The following DNMT3A variants were observed in gnomAD, a reference collection of about 807,000 sequenced individuals.
The protein encoded by DNMT3A is DNA (cytosine-5)-methyltransferase 3A.
DNMT3A carries 267 observed loss-of-function variants against 117.6 expected under a neutral mutation model. The ratio of observed to expected loss-of-function variants is 2.27; its 90% CI spans 2.05 to 2.51. DNMT3A has a LOEUF of 2.51. Ranked by LOEUF, DNMT3A falls within the 30% of genes most tolerant of loss-of-function variation. DNMT3A has a pLI of 0.00. For missense variants in DNMT3A, 1,029 were observed against 1,260.2 expected (o/e 0.82, Z 2.78); for synonymous variants, 432 against 474.8 (o/e 0.91, Z 1.17).
At chr2:25,246,085 G>A in intron 11 of DNMT3A, 21 bp from the exon 12 acceptor site, 1 of 1,614,190 alleles carries the variant, frequency 6.2e-7, no homozygotes, top group African/African-American at 1.3e-5. Flanking sequence ...AGGAGAGCTG[G>A]CGTCAGAGGA....
intron 2 of DNMT3A, among the ~76,000 whole-genome samples, chr2:25,300,605 CTAAATAATATATTATTTAGAT>C: frequency 2.6e-4 from 2 of 7,648 alleles, no homozygotes; most frequent in Non-Finnish European, 8.8e-4. Flanking sequence ...ATATATATAT[CTAAATAATATATTATTTAGAT>C]ATCTAAATAA....
At chr2:25,243,763 C>T (rs1674357631) in intron 16 of DNMT3A, 135 bp downstream of exon 16, 5 of 1,030,292 alleles carry the variant, frequency 4.9e-6, no homozygotes, top group Non-Finnish European at 5.8e-6. Flanking sequence ...ACTTCACACA[C>T]AAGCTTCCCC....
chr2:25,342,014 C>T (rs1302728259), upstream of DNMT3A: 4 of 890,686 alleles, frequency 4.5e-6, no homozygotes, highest in Admixed American at 6.5e-5. The surrounding 1 kb of genome is among the most constrained non-coding windows in gnomAD (Gnocchi z 5.9). Context: ...CCGCCTCCTC[C>T]GCCGGGTCCC....
intron 1 of DNMT3A, among the ~76,000 whole-genome samples, chr2:25,322,107 G>A (rs547673900): frequency 2.6e-5 from 4 of 152,322 alleles, no homozygotes; most frequent in South Asian, 4.1e-4. Context: ...GAAAGCGGTT[G>A]CCTCTGAGAA....
chr2:25,246,834 C>T, intron 9 of DNMT3A, 58 bp from the exon 10 acceptor site: 1 of 1,594,894 alleles, frequency 6.3e-7, no homozygotes, highest in Non-Finnish European at 8.5e-7. Context: ...GCAGATGGGT[C>T]AGGCTCAAGG....
At chr2:25,289,843 T>G (rs2032612635) in intron 3 of DNMT3A, among the ~76,000 whole-genome samples, 1 of 152,198 alleles carries the variant, frequency 6.6e-6, no homozygotes, top group Non-Finnish European at 1.5e-5. Flanking sequence ...TGCCGCCGCC[T>G]CCTCTTCCCC....
intron 3 of DNMT3A, among the ~76,000 whole-genome samples, chr2:25,287,004 G>A (rs1361203824): frequency 6.6e-6 from 1 of 152,250 alleles, no homozygotes; most frequent in African/African-American, 2.4e-5. Flanking sequence ...CCTGACAGGT[G>A]CTCAGACAAT....
chr2:25,301,125 C>T (rs968533545), intron 2 of DNMT3A, among the ~76,000 whole-genome samples: 13 of 151,266 alleles, frequency 8.6e-5, no homozygotes, highest in East Asian at 5.9e-4. Flanking sequence ...AAAAATTAGC[C>T]GGGCATGGTG....
At chr2:25,336,159 C>T (rs954348516) in intron 1 of DNMT3A, among the ~76,000 whole-genome samples, 2 of 152,242 alleles carry the variant, frequency 1.3e-5, no homozygotes, top group Non-Finnish European at 2.9e-5. Flanking sequence ...CTGCCAGGCA[C>T]CTGCACTCAT....
Position 25,240,590 on chromosome 2 carries a change from A to T in DNMT3A, c.2173+50T>A, listed in dbSNP as rs763011814. ...GCAGAAATATCCAAGGAGGAAGCCT[A>T]TGTGCGGAAGCACCAGCTGAGAAGG... is the stretch of plus-strand genomic sequence containing the variant. On this transcript the variant is annotated intron_variant, in intron 18 of 22. Coordinates refer to ENST00000321117, the MANE Select transcript of DNMT3A (RefSeq NM_022552.5). The T allele has an allele frequency of 1.9e-6, 3 of 1,609,586 alleles. No homozygotes were observed. In the Admixed American group the frequency reaches 5.0e-5, roughly 27 times the overall value.
rs2031961288 is a variant in DNMT3A, at chr2:25,282,543, C to T, written c.346G>A (p.Ala116Thr). The T allele has an allele frequency of 6.2e-7, 1 of 1,613,310 alleles. No homozygotes were observed. ...GTCTCAGCTGCACCCTCTCCCTCTG[C>T]TGGGGCCCCGCCCTTCTGCCCCCCA... ...PAGGQKGGAP[A>T]EGEGAAETLP... The change falls in exon 4 of 23, where the codon GCA becomes ACA. Residue 116 changes from alanine (A) to threonine (T), a missense_variant. Physicochemically the swap from Ala to Thr is moderately conservative, Grantham distance 58 (BLOSUM62 0). Coordinates refer to ENST00000321117, the MANE Select transcript of DNMT3A (RefSeq NM_022552.5). This position sits in a 1 kb window ranked among gnomAD's most constrained non-coding sequence, Gnocchi z 5.2.
At chr2:25,319,552 G>T (rs900870196) in intron 1 of DNMT3A, among the ~76,000 whole-genome samples, 16 of 152,196 alleles carry the variant, frequency 1.1e-4, no homozygotes, top group African/African-American at 3.6e-4. Context: ...GGAGAGATGG[G>T]AAGGGAGGCT....
intron 4 of DNMT3A, among the ~76,000 whole-genome samples, chr2:25,277,791 G>A (rs2031552783): frequency 6.6e-6 from 1 of 151,958 alleles, no homozygotes; most frequent in African/African-American, 2.4e-5. Context: ...ACTTAAGGCC[G>A]GAGCTGAGAT....
rs1463155211 is a variant in DNMT3A, at chr2:25,337,978, G to A, written c.-178+3848C>T. On this transcript the variant is annotated intron_variant, in intron 1 of 22. Coordinates refer to ENST00000321117, the MANE Select transcript of DNMT3A (RefSeq NM_022552.5). The surrounding 1 kb of genome is among the most constrained non-coding windows in gnomAD (Gnocchi z 5.0). Reference sequence around the variant, plus strand: ...CAAACAAAAGTAGAAGCTATTCCCCGAGGGCCGCAGCATGGGGAATGGCAT... The same window carrying A: ...CAAACAAAAGTAGAAGCTATTCCCCAAGGGCCGCAGCATGGGGAATGGCAT... Among the ~76,000 whole-genome samples the A allele has an allele frequency of 1.3e-5, 2 of 152,182 alleles. No homozygotes were observed. The highest frequency in any genetic ancestry group is 6.5e-5 in the Admixed American group (1 of 15,276).
At chr2:25,335,079 CAT>C (rs1362393901) in intron 1 of DNMT3A, among the ~76,000 whole-genome samples, 4 of 152,180 alleles carry the variant, frequency 2.6e-5, no homozygotes, top group East Asian at 1.9e-4. Context: ...CAAACCTAAA[CAT>C]GTGTATATTT....
intron 2 of DNMT3A, among the ~76,000 whole-genome samples, chr2:25,300,770 A>G (rs538856517): frequency 4.2e-4 from 24 of 56,542 alleles, no homozygotes; most frequent in Non-Finnish European, 6.3e-4. Context: ...TATATATATA[A>G]ATAATACATC....
At chr2:25,258,079 G>A (rs1056424972) in intron 6 of DNMT3A, among the ~76,000 whole-genome samples, 1 of 152,236 alleles carries the variant, frequency 6.6e-6, no homozygotes, top group African/African-American at 2.4e-5. Flanking sequence ...GCTGGACTGT[G>A]ATTTCAAACC....
intron 1 of DNMT3A, among the ~76,000 whole-genome samples, chr2:25,328,397 TC>T (rs1012059983): frequency 2.0e-4 from 31 of 151,826 alleles, no homozygotes; most frequent in African/African-American, 7.3e-4. Flanking sequence ...TCCCACCCTC[TC>T]CCACAGGGCC....
At chr2:25,300,740 T>C (rs1215521700) in intron 2 of DNMT3A, among the ~76,000 whole-genome samples, 33 of 44,126 alleles carry the variant, frequency 7.5e-4, no homozygotes, top group African/African-American at 3.4e-3. Flanking sequence ...TATATATATA[T>C]ATATATATAT....
Sources: allele counts gnomAD v4.1 joint callset (sites outside exome capture counted in the v4.1 genomes callset), GRCh38; gene constraint gnomAD v4.1.1; non-coding constraint Gnocchi (gnomAD v3.1); transcripts MANE v1.5; gene names NCBI Gene and HGNC (gene_info 2026-07-23, HGNC 2026-07-21).